Variants in ENG observed in about 807,000 individuals in gnomAD.
ENG encodes the protein endoglin.
ENG carries 17 observed loss-of-function variants against 71.0 expected under a neutral mutation model. That is an observed-to-expected ratio of 0.24 (90% CI 0.16 to 0.36). The LOEUF (loss-of-function observed/expected upper bound fraction) is 0.36. Among genes scored for constraint, ENG ranks in the 10% least tolerant of loss-of-function variants. ENG has a pLI of 1.00. For missense variants in ENG, 749 were observed against 868.3 expected, an observed-to-expected ratio of 0.86 and a Z score of 1.73; for synonymous variants, 360 against 366.9, an observed-to-expected ratio of 0.98 and a Z score of 0.21.
chr9:127,843,391 A>G (rs767173880), intron 1 of ENG, 146 bp from the exon 2 acceptor site: 5 of 1,106,278 alleles, frequency 4.5e-6, no homozygotes, highest in Non-Finnish European at 6.6e-6. Context: ...ATATCATTAT[A>G]TTCGTTCCAT....
chr9:127,853,968 A>G (rs1829089980), intron 1 of ENG, among the ~76,000 whole-genome samples: 1 of 152,214 alleles, frequency 6.6e-6, no homozygotes, highest in African/African-American at 2.4e-5. Flanking sequence ...CAGAGAGGCC[A>G]GGAAACTCTC....
intron 13 of ENG, 185 bp downstream of exon 13, chr9:127,816,964 G>C (rs1830336024): frequency 1.4e-6 from 1 of 712,090 alleles, no homozygotes; most frequent in Non-Finnish European, 2.4e-6. Flanking sequence ...GCAAAGTGCA[G>C]CTCTGGCCCC....
intron 12 of ENG, 97 bp from the exon 13 acceptor site, chr9:127,817,300 G>A (rs1292045157): frequency 7.8e-7 from 1 of 1,281,814 alleles, no homozygotes; most frequent in African/African-American, 1.5e-5. Context: ...TAGAGCCTTG[G>A]CTTTGAATCC....
intron 2 of ENG, among the ~76,000 whole-genome samples, chr9:127,842,152 A>G (rs1831049314): frequency 6.6e-6 from 1 of 152,012 alleles, no homozygotes; most frequent in South Asian, 2.1e-4. Context: ...TCTGAGGGTC[A>G]CAGATATTCA....
At chr9:127,847,402 GA>G in intron 1 of ENG, among the ~76,000 whole-genome samples, 1 of 152,144 alleles carries the variant, frequency 6.6e-6, no homozygotes, top group Non-Finnish European at 1.5e-5. Context: ...CCCAGACACA[GA>G]AGCTGTGAAT....
At chr9:127,831,159 ATTTTTT>A (rs548554493) in intron 2 of ENG, among the ~76,000 whole-genome samples, 1 of 132,966 alleles carries the variant, frequency 7.5e-6, no homozygotes, top group African/African-American at 2.8e-5. Context: ...CGTAAATACC[ATTTTTT>A]TTTTTTTTTT....
At position 127,854,475 on chromosome 9, in the gene ENG, C is replaced by T. The variant is rs565259710; in HGVS notation, c.-120G>A. ...ACCCGAGGGGAGCAGGCGGCCGGAG[C>T]GACGGCGTCCCTGCTCCAGCCTTCT... On this transcript the variant is annotated 5_prime_UTR_variant, in exon 1 of 15. Coordinates refer to ENST00000373203, the MANE Select transcript of ENG (RefSeq NM_001114753.3). The T allele has an allele frequency of 2.2e-5, 24 of 1,097,886 alleles. No individual in the cohort carries two copies. Among genetic ancestry groups the T allele is most frequent in the Non-Finnish European group, 3.1e-5 (24 of 777,034 alleles). The allele number at this position is 1,097,886 out of a possible 1,614,324, so 68.0% of individuals were successfully genotyped here. A position where few individuals can be genotyped will look rare whatever the true frequency, so the allele number is the denominator to read the frequency against.
At chr9:127,831,333 T>C (rs534725154) in intron 2 of ENG, among the ~76,000 whole-genome samples, 47 of 150,704 alleles carry the variant, frequency 3.1e-4, no homozygotes, top group African/African-American at 1.1e-3. Context: ...GCTAATTTTT[T>C]GTATTTTTAC....
chr9:127,848,399 C>G (rs551383221), intron 1 of ENG, among the ~76,000 whole-genome samples: 1 of 152,190 alleles, frequency 6.6e-6, no homozygotes, highest in South Asian at 2.1e-4. Flanking sequence ...AAGCAATCCT[C>G]TGCCTCAGCC....
intron 3 of ENG, chr9:127,827,126 T>C (rs948669298): frequency 4.3e-5 from 7 of 161,892 alleles, no homozygotes; most frequent in Non-Finnish European, 9.5e-5. Flanking sequence ...CCTGGGCCCA[T>C]CACAGGATCC....
At chr9:127,833,716 G>A (rs1382181714) in intron 2 of ENG, among the ~76,000 whole-genome samples, 1 of 152,096 alleles carries the variant, frequency 6.6e-6, no homozygotes, top group East Asian at 1.9e-4. Flanking sequence ...TCAAGATGAA[G>A]ACACCAGTGG....
At chr9:127,825,426 G>C (rs948301971) in intron 5 of ENG, 69 bp from the exon 6 acceptor site, 5 of 1,597,264 alleles carry the variant, frequency 3.1e-6, no homozygotes, top group Non-Finnish European at 4.2e-6. Context: ...GCCTGGCGTC[G>C]GGTGGGCGGC....
Position 127,826,514 on chromosome 9 carries a change from G to C in ENG, c.519C>G (p.Gly173=). 1.2e-6 allele frequency: 2 copies of C among 1,614,066 alleles called. No individual in the cohort carries two copies. The highest frequency in any genetic ancestry group is 1.7e-6 in the Non-Finnish European group (2 of 1,179,962). Residue 173 remains glycine, a synonymous_variant, in exon 4 of 15, where the codon GGC becomes GGG. Coordinates refer to ENST00000373203, the MANE Select transcript of ENG (RefSeq NM_001114753.3). The part of the protein sequence containing the change: ...NDPQSILLRL[G]QAQGSLSFCM... Reference sequence around the variant, plus strand: ...GAGGTTGCTGGGGAAACTGACCTTGGCCCAGTCGGAGGAGGATGCTCTGGG... The same window carrying C: ...GAGGTTGCTGGGGAAACTGACCTTGCCCCAGTCGGAGGAGGATGCTCTGGG...
chr9:127,820,154 C>G, intron 8 of ENG, 117 bp from the exon 9 acceptor site: 1 of 1,361,942 alleles, frequency 7.3e-7, no homozygotes, highest in African/African-American at 1.5e-5. Flanking sequence ...ATTCCCCTGC[C>G]CTGCTCCCTC....
intron 8 of ENG, among the ~76,000 whole-genome samples, chr9:127,823,862 G>A (rs1830534367): frequency 6.6e-6 from 1 of 151,228 alleles, no homozygotes; most frequent in South Asian, 2.1e-4. Flanking sequence ...TTGTATTTTA[G>A]TAAAGACAGG....
chr9:127,850,257 C>T (rs1160056258), intron 1 of ENG, among the ~76,000 whole-genome samples: 1 of 152,222 alleles, frequency 6.6e-6, no homozygotes, highest in Non-Finnish European at 1.5e-5. Flanking sequence ...TTGTCCCAAG[C>T]CTCAATTTTC....
chr9:127,827,167 A>G (rs1247583294), intron 3 of ENG: 1 of 157,044 alleles, frequency 6.4e-6, no homozygotes, highest in African/African-American at 2.4e-5. Flanking sequence ...GACACCCAGC[A>G]TGTGATGGGT....
chr9:127,834,323 C>T (rs1477453927), intron 2 of ENG, among the ~76,000 whole-genome samples: 1 of 152,126 alleles, frequency 6.6e-6, no homozygotes, highest in African/African-American at 2.4e-5. Context: ...CCGCAACCTC[C>T]ACCTCCCGGG....
intron 8 of ENG, among the ~76,000 whole-genome samples, chr9:127,822,163 T>C (rs368339059): frequency 2.6e-5 from 4 of 152,234 alleles, no homozygotes; most frequent in Non-Finnish European, 5.9e-5. Flanking sequence ...TTAAAACTTA[T>C]AAAAATCATC....
Sources: gnomAD v4.1 joint callset for allele counts (sites outside exome capture counted in the v4.1 genomes callset) on GRCh38, gnomAD v4.1.1 for gene constraint, MANE v1.5 for transcripts, NCBI Gene and HGNC (gene_info 2026-07-23, HGNC 2026-07-21) for gene names.